The following LONP1 variants were observed in gnomAD, a reference collection of about 807,000 sequenced individuals.
LONP1 encodes the protein lon protease homolog, mitochondrial.
A neutral mutation model predicts 98.5 loss-of-function variants in LONP1; 31 were observed. The observed-to-expected ratio is 0.31, with a 90% CI of 0.24 to 0.42. The LOEUF is 0.42. LONP1 is among the 20% of genes least tolerant of loss of function. LONP1 has a pLI of 1.00. For synonymous variants in LONP1, 781 were observed against 594.7 expected (o/e 1.31, Z -4.56); for missense variants, 1,336 against 1,350.6 (o/e 0.99, Z 0.17).
In LONP1 at chr19:5,712,014, G is replaced by A. The variant is rs756911905; in HGVS notation, c.639-12C>T. On this transcript the variant is annotated splice_polypyrimidine_tract_variant and intron_variant, in intron 3 of 17. Coordinates refer to ENST00000360614, the MANE Select transcript of LONP1 (RefSeq NM_004793.4). ...TGCTGATATGGACTCTGACACGGGA[G>A]CAAGGCAGGTGTGAATCAGCCGCTG... 1.2e-6 allele frequency: 2 copies of A among 1,605,914 alleles called. No individual in the cohort carries two copies. Among genetic ancestry groups the A allele is most frequent in the Non-Finnish European group, 1.7e-6 (2 of 1,174,922 alleles).
Position 5,719,795 on chromosome 19 carries a change from G to A in LONP1, c.338C>T (p.Thr113Met), listed in dbSNP as rs373597948. The A allele has an allele frequency of 6.2e-7, 1 of 1,612,994 alleles. No homozygotes were observed. Among genetic ancestry groups the A allele is most frequent in the Non-Finnish European group, 8.5e-7 (1 of 1,179,948 alleles). Residue 113 changes from threonine (T) to methionine (M), a missense_variant, in exon 1 of 18, where the codon ACG becomes ATG. Physicochemically the swap from Thr to Met is moderately conservative, Grantham distance 81. Transcript: ENST00000360614. The part of the protein sequence containing the change: ...AGEGPVITAL[T>M]PMTIPDVFPH... ...AAACACATCGGGGATCGTCATGGGC[G>A]TGAGCGCCGTTATGACCGGGCCTTC...
intron 11 of LONP1, 105 bp from the exon 12 acceptor site, chr19:5,696,476 C>G: frequency 2.7e-6 from 4 of 1,466,502 alleles, no homozygotes; most frequent in Non-Finnish European, 3.7e-6. Context: ...GTGAGAGCGG[C>G]ACCCACACCC....
intron 17 of LONP1, among the ~76,000 whole-genome samples, chr19:5,692,716 AGCCTCCCAATTT>A (rs1317995442): frequency 1.3e-5 from 2 of 152,162 alleles, no homozygotes; most frequent in East Asian, 3.9e-4. Flanking sequence ...ATGGACAGTG[AGCCTCCCAATTT>A]GCCTCCACCA....
chr19:5,715,643 TAAAAAAAAAAAAAAAAAAAAA>T (rs527565499), intron 1 of LONP1, among the ~76,000 whole-genome samples: 1,735 of 31,124 alleles, frequency 0.056, 58 homozygotes, highest in South Asian at 0.075. Context: ...CTCTGTCTCA[TAAAAAAAAAAAAAAAAAAAAA>T]AAAAAAAAAA....
Position 5,697,508 on chromosome 19 carries a change from G to A in LONP1, c.1686-751C>T, listed in dbSNP as rs191430603. Among the ~76,000 whole-genome samples the A allele has an allele frequency of 2.4e-3, 355 of 146,382 alleles. 2 individuals carry two copies. Among genetic ancestry groups the A allele is most frequent in the African/African-American group, 8.9e-3 (346 of 39,066 alleles). On this transcript the variant is annotated intron_variant, in intron 10 of 17. Transcript: ENST00000360614. ...CATGAGGCTGAGGCAGAGGGAGGAG[G>A]GGGGGAGAGAAGAGGGAGGAGAGGG...
At chr19:5,712,346 C>T (rs913704606) in intron 3 of LONP1, 14 of 280,140 alleles carry the variant, frequency 5.0e-5, no homozygotes, top group Non-Finnish European at 7.5e-5. Flanking sequence ...ACAGGCTGGT[C>T]TCCAAGACTC....
At chr19:5,719,621 C>G (rs529915213) in intron 1 of LONP1, 83 bp downstream of exon 1, 2 of 1,603,124 alleles carry the variant, frequency 1.2e-6, no homozygotes, top group African/African-American at 1.3e-5. Context: ...TTGCGAAACA[C>G]AAGGGCGCTC....
chr19:5,710,981 G>A lies in LONP1; in HGVS notation c.870+790C>T, dbSNP rs145788898. 9.2e-5 allele frequency among the ~76,000 whole-genome samples: 14 copies of A among 151,954 alleles called. No individual in the cohort carries two copies. In the East Asian group the frequency reaches 9.7e-4, roughly 11 times the overall value. On this transcript the variant is annotated intron_variant, in intron 4 of 17. Coordinates refer to ENST00000360614, the MANE Select transcript of LONP1 (RefSeq NM_004793.4). ...GTGGAAATTGCAGTGAGCTGAGATCGTTCCATTGCACTCCAGCCTGGGTTG... is the reference window on the plus strand; with the variant it reads ...GTGGAAATTGCAGTGAGCTGAGATCATTCCATTGCACTCCAGCCTGGGTTG...
chr19:5,692,222 C>G lies in LONP1; in HGVS notation c.2704-14G>C, dbSNP rs371336370. 3.1e-4 allele frequency: 495 copies of G among 1,605,460 alleles called. No individual in the cohort carries two copies. The highest frequency in any genetic ancestry group is 4.0e-4 in the Non-Finnish European group (468 of 1,174,638). On this transcript the variant is annotated splice_polypyrimidine_tract_variant and intron_variant, in intron 17 of 17. Transcript: ENST00000360614. ...TGCGCGCTTGGCCTGGGGGCAGAGT[C>G]AGGGTCAGCCCTGCCTGGGCCTGTG... is the stretch of plus-strand genomic sequence containing the variant.
intron 13 of LONP1, 98 bp from the exon 14 acceptor site, chr19:5,694,999 C>A: frequency 1.4e-6 from 2 of 1,393,078 alleles, no homozygotes; most frequent in Non-Finnish European, 1.9e-6. Flanking sequence ...CCCCCAGACC[C>A]TGGCCTGGGA....
At chr19:5,720,304 C>A (rs1432297779), upstream of LONP1, 1 of 958,714 alleles carries the variant, frequency 1.0e-6, no homozygotes, top group African/African-American at 1.7e-5. Context: ...ATCGGATCGT[C>A]TCCGCCTCTT....
At chr19:5,697,532 G>A (rs552528270) in intron 10 of LONP1, among the ~76,000 whole-genome samples, 2 of 140,806 alleles carry the variant, frequency 1.4e-5, no homozygotes, top group Non-Finnish European at 3.1e-5. Context: ...GGGAGGAGAG[G>A]GGGAAGAGGG....
At chr19:5,702,501 C>T (rs1419981139) in intron 8 of LONP1, among the ~76,000 whole-genome samples, 3 of 152,090 alleles carry the variant, frequency 2.0e-5, no homozygotes, top group East Asian at 1.9e-4. Context: ...GCCCCCCGCC[C>T]GGCCAGCCGC....
At chr19:5,699,555 G>GTTTTTTT (rs35759031) in intron 9 of LONP1, among the ~76,000 whole-genome samples, 1 of 118,556 alleles carries the variant, frequency 8.4e-6, no homozygotes, top group Non-Finnish European at 1.7e-5. Context: ...TCTGGCTCCT[G>GTTTTTTT]TTTTTTTTTT....
chr19:5,691,976 T>TCAGTTCTGGCCCAGACAGTGCCTGACATC lies in LONP1; in HGVS notation c.*55_*56insGATGTCAGGCACTGTCTGGGCCAGAACTG. On this transcript the variant is annotated 3_prime_UTR_variant, in exon 18 of 18. Transcript: ENST00000360614. Reference sequence around the variant, plus strand: ...GGTCCGGGCGCGCTCCCCACAGCGCTCAGTTCTGGCCCAGACAGGGCCTGA... The same window carrying TCAGTTCTGGCCCAGACAGTGCCTGACATC: ...GGTCCGGGCGCGCTCCCCACAGCGCTCAGTTCTGGCCCAGACAGTGCCTGACATCCAGTTCTGGCCCAGACAGGGCCTGA... 1 of 1,536,484 alleles carries TCAGTTCTGGCCCAGACAGTGCCTGACATC rather than the reference T, an allele frequency of 6.5e-7. No homozygotes were observed. Among genetic ancestry groups the TCAGTTCTGGCCCAGACAGTGCCTGACATC allele is most frequent in the Non-Finnish European group, 8.8e-7 (1 of 1,135,666 alleles).
intron 9 of LONP1, among the ~76,000 whole-genome samples, chr19:5,699,809 C>T (rs900452546): frequency 3.3e-5 from 5 of 152,164 alleles, no homozygotes; most frequent in African/African-American, 4.8e-5. Context: ...CCACCCGCCT[C>T]GGCCTCCCCA....
intron 9 of LONP1, among the ~76,000 whole-genome samples, chr19:5,699,512 C>A (rs1043816073): frequency 6.6e-6 from 1 of 151,606 alleles, no homozygotes; most frequent in African/African-American, 2.4e-5. Context: ...CCACTCTCTC[C>A]GGTCCAACCC....
chr19:5,708,504 C>A, intron 4 of LONP1, 101 bp from the exon 5 acceptor site: 1 of 891,144 alleles, frequency 1.1e-6, no homozygotes, highest in South Asian at 1.5e-5. Flanking sequence ...CCAGCTCCAT[C>A]AACTCCCTCC....
chr19:5,719,657 G>C, intron 1 of LONP1, 47 bp downstream of exon 1: 9 of 1,613,154 alleles, frequency 5.6e-6, no homozygotes, highest in Non-Finnish European at 6.8e-6. Flanking sequence ...TCAGCCCGCT[G>C]CTTGCACAGG....
Sources: allele counts gnomAD v4.1 joint callset (sites outside exome capture counted in the v4.1 genomes callset), GRCh38; gene constraint gnomAD v4.1.1; transcripts MANE v1.5; gene names NCBI Gene and HGNC (gene_info 2026-07-23, HGNC 2026-07-21).